The following CCDC186 variants were observed in gnomAD, a reference collection of about 807,000 sequenced individuals.
CCDC186 encodes coiled-coil domain containing 186, also known as coiled-coil domain-containing protein 186.
CCDC186 carries 49 observed loss-of-function variants against 113.7 expected under a neutral mutation model. That is an observed-to-expected ratio of 0.43 (90% CI 0.34 to 0.55). The LOEUF (loss-of-function observed/expected upper bound fraction) is 0.55, where lower values mean the gene tolerates loss of function less well. Among genes scored for constraint, CCDC186 ranks in the 20% least tolerant of loss-of-function variants. The probability of loss-of-function intolerance (pLI) is 0.02; values close to 1 mark genes in which losing one functional copy is unlikely to be tolerated. For synonymous variants in CCDC186, 355 were observed against 345.8 expected (o/e 1.03, Z -0.30); for missense variants, 890 against 1,011.1 (o/e 0.88, Z 1.62).
chr10:114,151,274 C>CA (rs2031850045), intron 3 of CCDC186, 54 bp from the exon 4 acceptor site: 1 of 1,193,612 alleles, frequency 8.4e-7, no homozygotes, highest in African/African-American at 1.6e-5. Context: ...AATACACCAC[C>CA]AATACTGCAA....
rs200052358 is a variant in CCDC186 at position 114,145,013 on chromosome 10, A to C, written c.1102-397T>G. 2.6e-5 allele frequency among the ~76,000 whole-genome samples: 4 copies of C among 152,242 alleles called. No homozygotes were observed. The East Asian group carries it at 7.7e-4, about 29-fold the overall frequency. On this transcript the variant is annotated intron_variant, in intron 5 of 15. Transcript: ENST00000369287. ...TCATTGAAAAATGATAATGCCCTGG[A>C]AATATGACCATTGAGAGGCTGCTAG...
chr10:114,168,724 A>G (rs180811248), intron 1 of CCDC186, among the ~76,000 whole-genome samples: 6 of 152,220 alleles, frequency 3.9e-5, no homozygotes, highest in Non-Finnish European at 8.8e-5. Context: ...ATTTTCAGGG[A>G]GATTGGTTTG....
At position 114,132,067 on chromosome 10, in the gene CCDC186, A is replaced by C; in HGVS notation, c.1773T>G (p.Phe591Leu). ...CATTCTTACTAGTGAGCCTTTCTGT[A>C]AACAGCAGCAGCTCAGATTCTCTTT... Reference protein sequence around the residue: ...SRKRESELLLFTERLTSKNAQ... With the variant: ...SRKRESELLLLTERLTSKNAQ... Residue 591 changes from phenylalanine (F) to leucine (L), a missense_variant, in exon 11 of 16, where the codon TTT (phenylalanine) becomes TTG (leucine). Physicochemically the swap from Phe to Leu is conservative, Grantham distance 22 (BLOSUM62 0). Coordinates refer to ENST00000369287, the MANE Select transcript of CCDC186 (RefSeq NM_018017.4). 6.2e-7 allele frequency: 1 copy of C among 1,613,604 alleles called. No homozygotes were observed. Among genetic ancestry groups the C allele is most frequent in the Non-Finnish European group, 8.5e-7 (1 of 1,179,806 alleles).
chr10:114,154,718 A>T (rs1159874952), intron 3 of CCDC186, among the ~76,000 whole-genome samples: 1 of 152,226 alleles, frequency 6.6e-6, no homozygotes, highest in African/African-American at 2.4e-5. Flanking sequence ...TCCTAGGTAT[A>T]CACCCAAGAG....
chr10:114,167,151 G>A (rs2032360029), intron 1 of CCDC186, among the ~76,000 whole-genome samples: 1 of 151,592 alleles, frequency 6.6e-6, no homozygotes, highest in Non-Finnish European at 1.5e-5. Context: ...CTCCCAAGTA[G>A]CTGGGATTAC....
chr10:114,157,513 T>C (rs1026576034), intron 3 of CCDC186, 41 bp downstream of exon 3: 2 of 1,539,920 alleles, frequency 1.3e-6, no homozygotes, highest in African/African-American at 1.4e-5. Context: ...ATTTATTTTA[T>C]TAATTGAAGT....
chr10:114,138,132 C>T (rs1188182772), intron 6 of CCDC186, among the ~76,000 whole-genome samples: 2 of 131,432 alleles, frequency 1.5e-5, no homozygotes, highest in South Asian at 2.6e-4. Context: ...CCCAGCTACT[C>T]GGGAGGCTGA....
chr10:114,165,842 T>C (rs896110853), intron 1 of CCDC186: 32 of 265,700 alleles, frequency 1.2e-4, no homozygotes, highest in African/African-American at 3.2e-4. Flanking sequence ...AGCGAGACAC[T>C]TTGTCTCAAA....
intron 13 of CCDC186, among the ~76,000 whole-genome samples, chr10:114,129,507 T>G (rs1208151258): frequency 1.3e-5 from 2 of 152,096 alleles, no homozygotes; most frequent in African/African-American, 4.8e-5. Context: ...AAACAAAGCA[T>G]ATCAATACTT....
In CCDC186 at chr10:114,124,496, C is replaced by T. The variant is rs1249067584; in HGVS notation, c.*647G>A. On this transcript the variant is annotated 3_prime_UTR_variant, in exon 16 of 16. Transcript: ENST00000369287. ...AAAACTTTAAAAATTCAACCATTAA[C>T]TCAAACAATCAGAATCTGAAAAAAT... The T allele has an allele frequency of 2.0e-5, 3 of 152,088 alleles. No homozygotes were observed. Among genetic ancestry groups the T allele is most frequent in the African/African-American group, 7.2e-5 (3 of 41,388 alleles). 9.4% of individuals were successfully genotyped at this position (152,088 alleles called of 1,614,324 possible).
chr10:114,173,740 C>T (rs2032599150), intron 1 of CCDC186, among the ~76,000 whole-genome samples: 1 of 152,236 alleles, frequency 6.6e-6, no homozygotes, highest in Non-Finnish European at 1.5e-5. Flanking sequence ...GCACAGCCCC[C>T]ACGACCCCCG....
At chr10:114,161,195 T>C (rs534121528) in intron 2 of CCDC186, among the ~76,000 whole-genome samples, 3 of 152,362 alleles carry the variant, frequency 2.0e-5, no homozygotes, top group South Asian at 2.1e-4. Flanking sequence ...ATAACCGTAT[T>C]TGAAAAAGCT....
chr10:114,173,318 C>A, intron 1 of CCDC186: 1 of 427,460 alleles, frequency 2.3e-6, no homozygotes. Context: ...CTGTTAACAG[C>A]TAAGCAATAC....
At chr10:114,167,025 T>G (rs1485753960) in intron 1 of CCDC186, among the ~76,000 whole-genome samples, 1 of 151,330 alleles carries the variant, frequency 6.6e-6, no homozygotes, top group Non-Finnish European at 1.5e-5. Context: ...GTTTTTTTTT[T>G]TTTTTTTTTT....
chr10:114,132,325 TGC>T, intron 10 of CCDC186, 141 bp from the exon 11 acceptor site: 1 of 624,884 alleles, frequency 1.6e-6, no homozygotes. Flanking sequence ...GCCTAATATA[TGC>T]CAGGAAATAA....
At chr10:114,136,602 CTAAGT>C (rs1258239793) in intron 7 of CCDC186, among the ~76,000 whole-genome samples, 3 of 152,164 alleles carry the variant, frequency 2.0e-5, no homozygotes, top group African/African-American at 4.8e-5. Context: ...AATTATTAAC[CTAAGT>C]TATTAGGTTA....
At chr10:114,132,822 T>A (rs1240663928) in intron 10 of CCDC186, among the ~76,000 whole-genome samples, 1 of 152,230 alleles carries the variant, frequency 6.6e-6, no homozygotes, top group Non-Finnish European at 1.5e-5. Flanking sequence ...TTGTTGGTCC[T>A]AACAGATGTT....
intron 6 of CCDC186, among the ~76,000 whole-genome samples, chr10:114,144,062 A>G (rs1442054979): frequency 6.6e-6 from 1 of 152,008 alleles, no homozygotes; most frequent in East Asian, 1.9e-4. Flanking sequence ...ATAAGAATGT[A>G]TATTTTTTGA....
At chr10:114,144,282 G>T (rs2031565583) in intron 6 of CCDC186, among the ~76,000 whole-genome samples, 1 of 151,982 alleles carries the variant, frequency 6.6e-6, no homozygotes, top group African/African-American at 2.4e-5. Context: ...AATAATGTGA[G>T]GACATTTCTT....
Sources: gnomAD v4.1 joint callset for allele counts (sites outside exome capture counted in the v4.1 genomes callset) on GRCh38, gnomAD v4.1.1 for gene constraint, MANE v1.5 for transcripts, NCBI Gene and HGNC (gene_info 2026-07-23, HGNC 2026-07-21) for gene names.